Variants in MCM5 observed in about 807,000 individuals in gnomAD.
MCM5 encodes the protein minichromosome maintenance complex component 5.
Under a neutral mutation model 79.9 loss-of-function variants are expected in MCM5, and 46 were observed. The ratio of observed to expected loss-of-function variants is 0.58; its 90% CI spans 0.45 to 0.74. The LOEUF (loss-of-function observed/expected upper bound fraction) is 0.74. Among genes scored for constraint, MCM5 ranks in the 30% least tolerant of loss-of-function variants. The pLI, the probability that MCM5 is intolerant of heterozygous loss-of-function variation, is 0.00. For synonymous variants in MCM5, 404 were observed against 390.5 expected, an observed-to-expected ratio of 1.03 and a Z score of -0.41; for missense variants, 883 against 1,017.0, an observed-to-expected ratio of 0.87 and a Z score of 1.79.
At chr22:35,405,375 CT>C (rs981457457) in intron 4 of MCM5, among the ~76,000 whole-genome samples, 5 of 148,750 alleles carry the variant, frequency 3.4e-5, no homozygotes, top group Admixed American at 3.4e-4. Context: ...AGATGAATCT[CT>C]TTTTTTTTGA....
At chr22:35,413,850 T>G (rs1251591753) in intron 8 of MCM5, 25 bp from the exon 9 acceptor site, 1 of 1,365,564 alleles carries the variant, frequency 7.3e-7, no homozygotes, top group East Asian at 2.3e-5. Flanking sequence ...ATTCTCACCT[T>G]GTCCATCTAC....
chr22:35,407,893 A>T (rs1320715127), intron 5 of MCM5, among the ~76,000 whole-genome samples: 1 of 152,194 alleles, frequency 6.6e-6, no homozygotes, highest in African/African-American at 2.4e-5. Flanking sequence ...TGCCCCCTGC[A>T]CCTGGAATAG....
chr22:35,437,773 G>A, the MCM5 span, among the ~76,000 whole-genome samples: 1 of 152,156 alleles, frequency 6.6e-6, no homozygotes, highest in Non-Finnish European at 1.5e-5. Context: ...AGAGTCACCT[G>A]GGTAGCCTGT....
At chr22:35,426,848 C>T (rs1321462527), downstream of MCM5, among the ~76,000 whole-genome samples, 1 of 152,190 alleles carries the variant, frequency 6.6e-6, no homozygotes, top group African/African-American at 2.4e-5. Context: ...CCCCACTCTA[C>T]TCCTGGCTGC....
At chr22:35,419,606 A>G (rs1011665130) in intron 13 of MCM5, among the ~76,000 whole-genome samples, 8 of 152,326 alleles carry the variant, frequency 5.3e-5, no homozygotes, top group African/African-American at 1.4e-4. Flanking sequence ...ACAGTGGGGA[A>G]GAGGCGGTTT....
chr22:35,423,183 C>T, intron 15 of MCM5, 31 bp from the exon 16 acceptor site: 1 of 1,531,888 alleles, frequency 6.5e-7, no homozygotes, highest in Non-Finnish European at 8.8e-7. Context: ...TGTCCCAGCT[C>T]CCCGGCTGCC....
chr22:35,429,815 C>T (rs1932801147), downstream of MCM5, among the ~76,000 whole-genome samples: 1 of 152,194 alleles, frequency 6.6e-6, no homozygotes, highest in Non-Finnish European at 1.5e-5. Flanking sequence ...GCCTGTGCCA[C>T]CGTGCCCAGC....
the MCM5 span, among the ~76,000 whole-genome samples, chr22:35,435,315 G>C: frequency 2.0e-5 from 3 of 152,190 alleles, no homozygotes; most frequent in Non-Finnish European, 4.4e-5. Context: ...CAGGGGTCCA[G>C]TGTGCAGAGT....
intron 7 of MCM5, 50 bp downstream of exon 7, chr22:35,410,960 G>A (rs752512958): frequency 1.3e-6 from 2 of 1,518,392 alleles, no homozygotes; most frequent in Non-Finnish European, 1.8e-6. Context: ...GGCTGTGCTT[G>A]CATACTTCTG....
chr22:35,408,537 C>G lies in MCM5; in HGVS notation c.726C>G (p.Pro242=). The change falls in exon 6 of 17, where the codon CCC becomes CCG. Residue 242 remains proline, a synonymous_variant. Transcript: ENST00000216122. ...ATGCAGTCCCCCACGGGGAGATGCCCAGACACATGCAGCTCTACTGCGACA... is the reference window on the plus strand; with the variant it reads ...ATGCAGTCCCCCACGGGGAGATGCCGAGACACATGCAGCTCTACTGCGACA... The part of the protein sequence containing the change: ...LPDAVPHGEM[P]RHMQLYCDRY... 6.2e-7 allele frequency: 1 copy of G among 1,613,312 alleles called. No homozygotes were observed. Among genetic ancestry groups the G allele is most frequent in the Non-Finnish European group, 8.5e-7 (1 of 1,179,346 alleles).
At chr22:35,410,490 A>C in intron 6 of MCM5, 1 of 462,288 alleles carries the variant, frequency 2.2e-6, no homozygotes, top group African/African-American at 2.0e-5. Context: ...AGCGAGAGTC[A>C]GGCCACCACC....
In MCM5 at chr22:35,416,685, T is replaced by G. The variant is rs764206596; in HGVS notation, c.1461T>G (p.Ala487=). 73 of 1,614,006 alleles carry G rather than the reference T, an allele frequency of 4.5e-5. No individual in the cohort carries two copies. The highest frequency in any genetic ancestry group is 5.3e-5 in the Non-Finnish European group (62 of 1,180,034). Residue 487 remains alanine (A), a synonymous_variant, in exon 12 of 17, where the codon GCT becomes GCG. Transcript: ENST00000216122. ...ACTCCCGCTGCTCCGTCCTGGCTGC[T>G]GCCAACTCAGTGTTCGGCCGCTGGG... ...TLNSRCSVLA[A]ANSVFGRWDE...
downstream of MCM5, among the ~76,000 whole-genome samples, chr22:35,427,831 A>G (rs1041549857): frequency 6.6e-6 from 1 of 152,050 alleles, no homozygotes; most frequent in African/African-American, 2.4e-5. Flanking sequence ...TAGATCAAAA[A>G]CAAGCATTTT....
intron 2 of MCM5, 93 bp from the exon 3 acceptor site, chr22:35,403,114 G>A (rs1932107895): frequency 2.0e-6 from 3 of 1,472,170 alleles, no homozygotes; most frequent in Admixed American, 1.8e-5. Context: ...GCTGTGGTGT[G>A]GGCAGATTCA....
At chr22:35,430,221 C>T (rs1456926487), downstream of MCM5, among the ~76,000 whole-genome samples, 1 of 152,224 alleles carries the variant, frequency 6.6e-6, no homozygotes, top group Non-Finnish European at 1.5e-5. Flanking sequence ...AGTGTGACAC[C>T]TAATGCCACC....
the MCM5 span, among the ~76,000 whole-genome samples, chr22:35,449,884 T>C: frequency 2.0e-5 from 3 of 152,302 alleles, no homozygotes; most frequent in South Asian, 6.2e-4. Flanking sequence ...TGGGCTGAAG[T>C]GGACCTCCTG....
At chr22:35,426,031 G>GA (rs562813802), downstream of MCM5, among the ~76,000 whole-genome samples, 247 of 152,258 alleles carry the variant, frequency 1.6e-3, no homozygotes, top group African/African-American at 5.7e-3. Flanking sequence ...ATGCTGGGCA[G>GA]AGACAGTCCT....
At position 35,416,355 on chromosome 22, in the gene MCM5, G is replaced by C; in HGVS notation, c.1364G>C (p.Arg455Pro). The change falls in exon 11 of 17, where the codon CGT becomes CCT. Residue 455 changes from arginine to proline, a missense_variant. Arg to Pro is a moderately radical substitution (Grantham distance 103). Transcript: ENST00000216122. ...DEFDKMREDD[R>P]VAIHEAMEQQ... The stretch of plus-strand genomic sequence containing the variant: ...CCCACTTAGATGCGAGAAGATGACC[G>C]TGTGGCAATCCACGAAGCCATGGAG... 1 of 1,613,760 alleles carries C rather than the reference G, an allele frequency of 6.2e-7. No individual in the cohort carries two copies.
chr22:35,422,801 C>CTA (rs1932728912), intron 15 of MCM5: 1 of 155,316 alleles, frequency 6.4e-6, no homozygotes, highest in African/African-American at 2.4e-5. Context: ...GTAGATGTGT[C>CTA]CAGGGCAGGC....
Sources: gnomAD v4.1 joint callset for allele counts (sites outside exome capture counted in the v4.1 genomes callset) on GRCh38, gnomAD v4.1.1 for gene constraint, MANE v1.5 for transcripts, NCBI Gene and HGNC (gene_info 2026-07-23, HGNC 2026-07-21) for gene names.